Variants in CUX2 observed in about 807,000 individuals in gnomAD.
CUX2 encodes cut like homeobox 2.
In CUX2, 40 loss-of-function variants were observed where a neutral mutation model predicts 144.8. The observed-to-expected ratio is 0.28, with a 90% CI of 0.21 to 0.36. The LOEUF is 0.36. Ranked by LOEUF, CUX2 falls within the 10% of genes least tolerant of loss-of-function variation. CUX2 has a pLI of 1.00. For synonymous variants in CUX2, 827 were observed against 875.6 expected, an observed-to-expected ratio of 0.94 and a Z score of 0.98; for missense variants, 1,615 against 1,994.0, an observed-to-expected ratio of 0.81 and a Z score of 3.62.
chr12:111,148,394 T>C (rs1876832102), intron 1 of CUX2, among the ~76,000 whole-genome samples: 1 of 152,050 alleles, frequency 6.6e-6, no homozygotes, highest in East Asian at 1.9e-4. Context: ...AATGGAGAGT[T>C]CGTGTTTGAT....
chr12:111,194,351 C>T (rs1171862568), intron 1 of CUX2, among the ~76,000 whole-genome samples: 2 of 152,232 alleles, frequency 1.3e-5, no homozygotes, highest in African/African-American at 4.8e-5. Flanking sequence ...AATTAACAGG[C>T]TAGACCCGAG....
rs2136177830 is a variant in CUX2 at position 111,179,110 on chromosome 12, T to G, written c.64-35090T>G. ...CTGGACAGGGCAATAGTGGGAGCCC[T>G]AGAGGGGACCGTGGACTCCCCTCCT... On this transcript the variant is annotated intron_variant, in intron 1 of 21. Transcript: ENST00000261726. 2.0e-5 allele frequency among the ~76,000 whole-genome samples: 3 copies of G among 152,190 alleles called. 1 individual carries two copies. The Middle Eastern group carries it at 0.01, about 518-fold the overall frequency.
In CUX2 at chr12:111,263,386, A is replaced by C. The variant is rs1183042012; in HGVS notation, c.223-375A>C. ...TTTGGGAGGCCAAGGTGGGCAGATA[A>C]CCTGAGGTCAAGAGTTTGAGACCAT... On this transcript the variant is annotated intron_variant, in intron 3 of 21. Transcript: ENST00000261726. The surrounding 1 kb of genome is among the most constrained non-coding windows in gnomAD (Gnocchi z 4.0). 6.6e-6 allele frequency among the ~76,000 whole-genome samples: 1 copy of C among 152,186 alleles called. No homozygotes were observed. Among genetic ancestry groups the C allele is most frequent in the East Asian group, 1.9e-4 (1 of 5,192 alleles).
intron 3 of CUX2, among the ~76,000 whole-genome samples, chr12:111,256,143 C>T (rs977793034): frequency 8.5e-5 from 13 of 152,238 alleles, no homozygotes; most frequent in Middle Eastern, 6.8e-3. Context: ...CTCCTCTCCA[C>T]GGCCCATCGG....
chr12:111,119,116 T>A (rs1033067624), intron 1 of CUX2, among the ~76,000 whole-genome samples: 1 of 152,186 alleles, frequency 6.6e-6, no homozygotes, highest in African/African-American at 2.4e-5. Flanking sequence ...AAACCTTTTC[T>A]CTAGAGGGCC....
intron 4 of CUX2, among the ~76,000 whole-genome samples, chr12:111,290,249 CAG>C (rs917507738): frequency 2.0e-5 from 3 of 152,144 alleles, no homozygotes; most frequent in African/African-American, 7.2e-5. Flanking sequence ...CCCTTGATCC[CAG>C]CTACTCGGGA....
intron 9 of CUX2, among the ~76,000 whole-genome samples, chr12:111,300,895 A>G (rs1886258304): frequency 6.6e-6 from 1 of 152,022 alleles, no homozygotes; most frequent in Non-Finnish European, 1.5e-5. Flanking sequence ...AAAACTATCC[A>G]GGCATGGTGG....
intron 3 of CUX2, among the ~76,000 whole-genome samples, chr12:111,248,722 C>A (rs1005366663): frequency 1.3e-5 from 2 of 152,152 alleles, no homozygotes; most frequent in African/African-American, 4.8e-5. Context: ...CAAATGCAGA[C>A]CCTCAGCCTG....
At chr12:111,196,494 G>C (rs1880251353) in intron 1 of CUX2, among the ~76,000 whole-genome samples, 1 of 152,172 alleles carries the variant, frequency 6.6e-6, no homozygotes, top group Admixed American at 6.5e-5. Context: ...TGTCTTTGTT[G>C]ATATTTGAGG....
intron 1 of CUX2, among the ~76,000 whole-genome samples, chr12:111,175,826 G>A (rs1020828780): frequency 5.9e-5 from 9 of 151,812 alleles, no homozygotes; most frequent in African/African-American, 1.7e-4. Flanking sequence ...AAAAGTAAGC[G>A]GGGATCTGGG....
chr12:111,099,236 C>T (rs529241865), intron 1 of CUX2, among the ~76,000 whole-genome samples: 1 of 152,330 alleles, frequency 6.6e-6, no homozygotes, highest in East Asian at 1.9e-4. Context: ...GTGGAGGAAA[C>T]GGCCTGGCCA....
chr12:111,223,579 C>T (rs891110636), intron 3 of CUX2, among the ~76,000 whole-genome samples: 3 of 152,206 alleles, frequency 2.0e-5, no homozygotes, highest in Admixed American at 2.0e-4. Context: ...CACATCTCTC[C>T]AAACCCATCC....
chr12:111,078,177 G>C (rs1327345256), intron 1 of CUX2, among the ~76,000 whole-genome samples: 2 of 152,212 alleles, frequency 1.3e-5, no homozygotes, highest in Non-Finnish European at 2.9e-5. Flanking sequence ...AGCCCACACT[G>C]TGCCCGGCAC....
At position 111,141,227 on chromosome 12, in the gene CUX2, A is replaced by AACACACACACACACACACACAC. The variant is rs111451932; in HGVS notation, c.64-72965_64-72944dup. Among the ~76,000 whole-genome samples the AACACACACACACACACACACAC allele has an allele frequency of 1.8e-3, 270 of 147,438 alleles. 1 individual carries two copies. Among genetic ancestry groups the AACACACACACACACACACACAC allele is most frequent in the African/African-American group, 6.5e-3 (264 of 40,350 alleles). Reference sequence around the variant, plus strand: ...AATTAGGGACTCAGGGGCTTAGGTCAACACACACACACACACACACACACA... The same window carrying AACACACACACACACACACACAC: ...AATTAGGGACTCAGGGGCTTAGGTCAACACACACACACACACACACACACACACACACACACACACACACACA... On this transcript the variant is annotated intron_variant, in intron 1 of 21. Transcript: ENST00000261726.
chr12:111,253,118 C>G (rs1193150318), intron 3 of CUX2, among the ~76,000 whole-genome samples: 1 of 152,148 alleles, frequency 6.6e-6, no homozygotes, highest in African/African-American at 2.4e-5. Context: ...GGAGCCACTT[C>G]CCTGGTCTCC....
Position 111,304,163 on chromosome 12 carries a change from G to A in CUX2, c.754-47G>A. On this transcript the variant is annotated intron_variant, in intron 9 of 21. Transcript: ENST00000261726. This position sits in a 1 kb window ranked among gnomAD's most constrained non-coding sequence, Gnocchi z 4.7. Reference sequence around the variant, plus strand: ...GAAACAGTGCAGGGAGAAGGTGGAAGTGCAGAGTGGGCTCACCTCTCGCCC... The same window carrying A: ...GAAACAGTGCAGGGAGAAGGTGGAAATGCAGAGTGGGCTCACCTCTCGCCC... 6.7e-7 allele frequency: 1 copy of A among 1,486,238 alleles called. No homozygotes were observed. Among genetic ancestry groups the A allele is most frequent in the South Asian group, 1.2e-5 (1 of 84,910 alleles). The allele number at this position is 1,486,238 out of a possible 1,614,324, so 92.1% of individuals were successfully genotyped here. A position where few individuals can be genotyped will look rare whatever the true frequency, so the allele number is the denominator to read the frequency against.
intron 4 of CUX2, among the ~76,000 whole-genome samples, chr12:111,267,378 G>A (rs76847790): frequency 0.029 from 4,417 of 152,134 alleles, 85 homozygotes; most frequent in Middle Eastern, 0.048. Flanking sequence ...TTTGTTCTGT[G>A]CTCTGCGTTT....
At chr12:111,116,208 A>T (rs545027971) in intron 1 of CUX2, among the ~76,000 whole-genome samples, 28 of 152,324 alleles carry the variant, frequency 1.8e-4, no homozygotes, top group Non-Finnish European at 1.9e-4. Flanking sequence ...ACAGAAGTTT[A>T]ATTTATCTGG....
chr12:111,134,879 C>T (rs904143650), intron 1 of CUX2, among the ~76,000 whole-genome samples: 1 of 152,090 alleles, frequency 6.6e-6, no homozygotes, highest in Non-Finnish European at 1.5e-5. Context: ...GCTTGGGTTC[C>T]TACAGCTAGT....
Sources: allele counts gnomAD v4.1 joint callset (sites outside exome capture counted in the v4.1 genomes callset), GRCh38; gene constraint gnomAD v4.1.1; non-coding constraint Gnocchi (gnomAD v3.1); transcripts MANE v1.5; gene names NCBI Gene and HGNC (gene_info 2026-07-23, HGNC 2026-07-21).